Variants in MORN5 observed in about 807,000 individuals in gnomAD.
MORN5 encodes MORN repeat containing 5.
A neutral mutation model predicts 22.1 loss-of-function variants in MORN5; 21 were observed. That is an observed-to-expected ratio of 0.95 (90% CI 0.67 to 1.37). The LOEUF is 1.37. Among genes scored for constraint, MORN5 ranks in the 40% most tolerant of loss-of-function variants. The pLI is 0.00. For synonymous variants in MORN5, 73 were observed against 74.0 expected (o/e 0.99, Z 0.07); for missense variants, 211 against 215.1 (o/e 0.98, Z 0.12).
At chr9:122,184,121 C>T (rs971389247) in intron 4 of MORN5, among the ~76,000 whole-genome samples, 3 of 152,166 alleles carry the variant, frequency 2.0e-5, no homozygotes, top group Admixed American at 2.0e-4. Context: ...GACCCTCAAC[C>T]AAGGGGTAGG....
chr9:122,183,221 A>G (rs1173916352), intron 4 of MORN5, among the ~76,000 whole-genome samples: 1 of 152,250 alleles, frequency 6.6e-6, no homozygotes, highest in East Asian at 1.9e-4. Context: ...AATGGCCTTT[A>G]CCATGATGGG....
At position 122,197,951 on chromosome 9, in the gene MORN5, A is replaced by C. The variant is rs891498181; in HGVS notation, c.440-1934A>C. ...CTGAGGCTCACTGGCTGCTTGCCAG[A>C]GTGTGCCAGGCAGCAAGCCGTTTTC... On this transcript the variant is annotated intron_variant, in intron 4 of 4. Transcript: ENST00000373764. This position sits in a 1 kb window ranked among gnomAD's most constrained non-coding sequence, Gnocchi z 5.7. 1.3e-4 allele frequency among the ~76,000 whole-genome samples: 20 copies of C among 152,176 alleles called. No individual in the cohort carries two copies. The highest frequency in any genetic ancestry group is 2.1e-4 in the Non-Finnish European group (14 of 68,030).
In MORN5 at chr9:122,170,155, G is replaced by A. The variant is rs112289531; in HGVS notation, c.307+399G>A. Among the ~76,000 whole-genome samples, 116 of 152,226 alleles carry A rather than the reference G, an allele frequency of 7.6e-4. 2 individuals carry two copies. The highest frequency in any genetic ancestry group is 2.6e-3 in the African/African-American group (109 of 41,556). Reference sequence around the variant, plus strand: ...TCTTCTAAAAATACAAAAATTAGCCGGGTGTGGTGGCATGCCTGTAATCCC... The same window carrying A: ...TCTTCTAAAAATACAAAAATTAGCCAGGTGTGGTGGCATGCCTGTAATCCC... On this transcript the variant is annotated intron_variant, in intron 3 of 4. Transcript: ENST00000373764.
chr9:122,174,616 T>C lies in MORN5; in HGVS notation c.428T>C (p.Leu143Pro). Residue 143 changes from leucine to proline, a missense_variant, in exon 4 of 5, where the codon CTA becomes CCA. Transcript: ENST00000373764. The part of the protein sequence containing the change: ...RVVKDYRNRF[L>P]RNADDDEHEW... ...GTCAAGGACTATAGGAACCGCTTTC[T>C]AAGAAACGCAGGTAGGTTTCTTCCG... 1 of 1,614,194 alleles carries C rather than the reference T, an allele frequency of 6.2e-7. No individual in the cohort carries two copies. Among genetic ancestry groups the C allele is most frequent in the Non-Finnish European group, 8.5e-7 (1 of 1,180,022 alleles).
intron 4 of MORN5, among the ~76,000 whole-genome samples, chr9:122,191,099 C>T (rs1326298331): frequency 6.6e-6 from 1 of 152,176 alleles, no homozygotes; most frequent in African/African-American, 2.4e-5. Context: ...CCCTGGCATT[C>T]GGCATAAGCC....
chr9:122,174,959 A>G, intron 4 of MORN5: 2 of 826,654 alleles, frequency 2.4e-6, no homozygotes, highest in Non-Finnish European at 1.5e-6. Flanking sequence ...GTGTTGGGGG[A>G]AAAGCAGAGC....
chr9:122,175,760 A>T (rs1349792548), intron 4 of MORN5: 1 of 941,334 alleles, frequency 1.1e-6, no homozygotes, highest in African/African-American at 1.8e-5. Context: ...TCCTCTCCCT[A>T]TAGGGAAATT....
At chr9:122,185,997 C>A (rs1829626142) in intron 4 of MORN5, among the ~76,000 whole-genome samples, 1 of 152,190 alleles carries the variant, frequency 6.6e-6, no homozygotes, top group Non-Finnish European at 1.5e-5. Flanking sequence ...GAGGCTGGCA[C>A]GCGGGGACAT....
At chr9:122,180,797 T>C (rs1421477339) in intron 4 of MORN5, among the ~76,000 whole-genome samples, 1 of 152,202 alleles carries the variant, frequency 6.6e-6, no homozygotes, top group African/African-American at 2.4e-5. Context: ...CACTTAGCCA[T>C]GGACAGTAGA....
rs771975898 is a variant in MORN5, at chr9:122,169,709, A to G, written c.260A>G (p.Tyr87Cys). Reference protein sequence around the residue: ...DEKNWHYCDGYDRRFYTEILN... With the variant: ...DEKNWHYCDGCDRRFYTEILN... ...AAAAACTGGCATTACTGCGACGGCT[A>G]TGATCGGAGGTTTTACACAGAGATC... Residue 87 changes from tyrosine (Y) to cysteine (C), a missense_variant, in exon 3 of 5, where the codon TAT (tyrosine) becomes TGT (cysteine). Physicochemically the swap from Tyr to Cys is radical, Grantham distance 194 (BLOSUM62 -2). Coordinates refer to ENST00000373764, the MANE Select transcript of MORN5 (RefSeq NM_198469.4). 3.1e-6 allele frequency: 5 copies of G among 1,614,024 alleles called. No individual in the cohort carries two copies. The highest frequency in any genetic ancestry group is 2.7e-5 in the African/African-American group (2 of 74,934).
chr9:122,177,772 C>T (rs947097881), intron 4 of MORN5, among the ~76,000 whole-genome samples: 14 of 152,206 alleles, frequency 9.2e-5, no homozygotes, highest in Non-Finnish European at 1.8e-4. Context: ...TTTTGTTGCT[C>T]AGCATCCACA....
At chr9:122,181,205 C>T (rs532499292) in intron 4 of MORN5, among the ~76,000 whole-genome samples, 4 of 152,334 alleles carry the variant, frequency 2.6e-5, no homozygotes, top group African/African-American at 7.2e-5. Flanking sequence ...TGCTTGGGTT[C>T]GAGCACCTAG....
intron 1 of MORN5, among the ~76,000 whole-genome samples, chr9:122,165,630 C>T (rs776193847): frequency 2.0e-5 from 3 of 151,938 alleles, no homozygotes; most frequent in Non-Finnish European, 4.4e-5. Context: ...AGCTGGTGTC[C>T]CTGCCTTGTT....
intron 4 of MORN5, among the ~76,000 whole-genome samples, chr9:122,194,974 C>G (rs914652744): frequency 6.6e-6 from 1 of 151,156 alleles, no homozygotes; most frequent in Admixed American, 6.6e-5. Context: ...GAGCTGAGAT[C>G]GCGCCATTGC....
intron 2 of MORN5, among the ~76,000 whole-genome samples, chr9:122,169,022 G>T (rs931455242): frequency 3.9e-5 from 6 of 152,126 alleles, no homozygotes; most frequent in African/African-American, 1.2e-4. Context: ...GAATGCTGAT[G>T]TCCAAGGGCA....
Position 122,177,867 on chromosome 9 carries a change from A to G in MORN5, c.439+3240A>G, listed in dbSNP as rs540029265. Among the ~76,000 whole-genome samples, 6 of 152,328 alleles carry G rather than the reference A, an allele frequency of 3.9e-5. 1 individual carries two copies. The highest frequency in any genetic ancestry group is 1.4e-4 in the African/African-American group (6 of 41,564). ...TATAACAAGTTTCAATGCATCCTTC[A>G]TATTAACACAAGGCCCTCTCCCCTT... On this transcript the variant is annotated intron_variant, in intron 4 of 4. Transcript: ENST00000373764.
chr9:122,180,581 C>T (rs1178916764), intron 4 of MORN5, among the ~76,000 whole-genome samples: 4 of 152,166 alleles, frequency 2.6e-5, no homozygotes, highest in African/African-American at 4.8e-5. Flanking sequence ...CCACTGCGCT[C>T]GGCCCGATAT....
chr9:122,166,263 A>C (rs1003394268), intron 1 of MORN5, among the ~76,000 whole-genome samples: 1 of 148,046 alleles, frequency 6.8e-6, no homozygotes, highest in Non-Finnish European at 1.5e-5. Flanking sequence ...ACAGCCAAAC[A>C]ATATTAGTAT....
At position 122,197,496 on chromosome 9, in the gene MORN5, C is replaced by T. The variant is rs1412450573; in HGVS notation, c.440-2389C>T. 6.6e-6 allele frequency among the ~76,000 whole-genome samples: 1 copy of T among 152,076 alleles called. No homozygotes were observed. Among genetic ancestry groups the T allele is most frequent in the Non-Finnish European group, 1.5e-5 (1 of 68,002 alleles). ...GCAACCTCACCCTGGCGTGGCAGGG[C>T]CAGGGGAGCCGCAGAGAGGCGCAGG... On this transcript the variant is annotated intron_variant, in intron 4 of 4. Transcript: ENST00000373764. The surrounding 1 kb of genome is among the most constrained non-coding windows in gnomAD (Gnocchi z 5.7).
Sources: allele counts gnomAD v4.1 joint callset (sites outside exome capture counted in the v4.1 genomes callset), GRCh38; gene constraint gnomAD v4.1.1; non-coding constraint Gnocchi (gnomAD v3.1); transcripts MANE v1.5; gene names NCBI Gene and HGNC (gene_info 2026-07-23, HGNC 2026-07-21).